SPIDR: variants seen among roughly 807,000 people sequenced by gnomAD.
The protein encoded by SPIDR is scaffold protein involved in DNA repair.
Under a neutral mutation model 104.6 loss-of-function variants are expected in SPIDR, and 93 were observed. That is an observed-to-expected ratio of 0.89 (90% CI 0.75 to 1.06). The LOEUF is 1.06. SPIDR is among the 50% of genes least tolerant of loss of function. The pLI, the probability that SPIDR is intolerant of heterozygous loss-of-function variation, is 0.00. For missense variants in SPIDR, 1,154 were observed against 1,111.2 expected (o/e 1.04, Z -0.55); for synonymous variants, 431 against 416.9 (o/e 1.03, Z -0.41).
rs889722644 is a variant in SPIDR, at chr8:47,547,242, C to T, written c.1098-48569C>T. 8.7e-5 allele frequency: 54 copies of T among 623,972 alleles called. No individual in the cohort carries two copies. The Admixed American group carries it at 1.0e-3, about 12-fold the overall frequency. 38.7% of individuals were successfully genotyped at this position (623,972 alleles called of 1,614,324 possible). A position where few individuals can be genotyped will look rare whatever the true frequency, so the allele number is the denominator to read the frequency against. On this transcript the variant is annotated intron_variant, in intron 8 of 19. Transcript: ENST00000297423. ...CTTTGCACAACTTGTACTTGGGCTC[C>T]TCAGGTGTAACACGATGTACAGCAA...
Position 47,400,898 on chromosome 8 carries a change from T to C in SPIDR, c.776+4272T>C, listed in dbSNP as rs368606396. Among the ~76,000 whole-genome samples the C allele has an allele frequency of 3.8e-3, 575 of 152,174 alleles. 3 individuals are homozygous for C. Among genetic ancestry groups the C allele is most frequent in the South Asian group, 0.022 (107 of 4,812 alleles). ...AAGTTACAGGGAGAATGGAACCATG[T>C]TGGAAAACACTCTTCAGGATATTAT... On this transcript the variant is annotated intron_variant, in intron 6 of 19. Coordinates refer to ENST00000297423, the MANE Select transcript of SPIDR (RefSeq NM_001080394.4).
At chr8:47,340,210 A>C (rs1774892225) in intron 5 of SPIDR, among the ~76,000 whole-genome samples, 1 of 152,146 alleles carries the variant, frequency 6.6e-6, no homozygotes, top group Non-Finnish European at 1.5e-5. Context: ...TGTGTGCTTT[A>C]GGGGCATTTT....
intron 8 of SPIDR, among the ~76,000 whole-genome samples, chr8:47,490,619 G>T (rs1436587880): frequency 6.6e-6 from 1 of 152,148 alleles, no homozygotes; most frequent in Non-Finnish European, 1.5e-5. Flanking sequence ...ATGATAGACT[G>T]GATTAAGAAA....
At chr8:47,308,311 C>A (rs1281062520) in intron 5 of SPIDR, among the ~76,000 whole-genome samples, 1 of 152,034 alleles carries the variant, frequency 6.6e-6, no homozygotes, top group Non-Finnish European at 1.5e-5. Context: ...GATCTGCCCA[C>A]CTCAGCCTCC....
chr8:47,286,714 A>G (rs2038920159), intron 3 of SPIDR, among the ~76,000 whole-genome samples: 1 of 152,224 alleles, frequency 6.6e-6, no homozygotes, highest in Non-Finnish European at 1.5e-5. Context: ...CTAGGGGGAA[A>G]AAGATAACTA....
At chr8:47,470,585 G>A (rs973898870) in intron 8 of SPIDR, among the ~76,000 whole-genome samples, 7 of 152,234 alleles carry the variant, frequency 4.6e-5, no homozygotes, top group East Asian at 1.9e-4. Context: ...TGACCATGAA[G>A]TGAGTTTTGA....
At chr8:47,578,774 T>C (rs2059407501) in intron 8 of SPIDR, among the ~76,000 whole-genome samples, 1 of 152,228 alleles carries the variant, frequency 6.6e-6, no homozygotes. Context: ...GTGTTGTATT[T>C]ATTCTGATAA....
intron 5 of SPIDR, among the ~76,000 whole-genome samples, chr8:47,387,813 G>C (rs527685524): frequency 6.6e-6 from 1 of 152,158 alleles, no homozygotes; most frequent in Admixed American, 6.5e-5. Context: ...TCTTCTCAAC[G>C]TGTCTTCCAA....
At chr8:47,346,968 A>G (rs1468323641) in intron 5 of SPIDR, among the ~76,000 whole-genome samples, 1 of 151,612 alleles carries the variant, frequency 6.6e-6, no homozygotes, top group Non-Finnish European at 1.5e-5. Context: ...TTCTGCTCTG[A>G]TCTTAGTTAT....
intron 5 of SPIDR, among the ~76,000 whole-genome samples, chr8:47,306,159 T>A (rs1036192803): frequency 3.2e-4 from 48 of 152,364 alleles, no homozygotes; most frequent in African/African-American, 1.1e-3. Context: ...TTTTATTTTT[T>A]GAGATGGAGT....
At chr8:47,499,790 G>GC (rs1227247603) in intron 8 of SPIDR, among the ~76,000 whole-genome samples, 1 of 149,560 alleles carries the variant, frequency 6.7e-6, no homozygotes, top group Non-Finnish European at 1.5e-5. Flanking sequence ...CCTCCACCCT[G>GC]CCCCCACCCC....
chr8:47,659,732 C>T (rs2073749667), intron 10 of SPIDR: 3 of 985,128 alleles, frequency 3.0e-6, no homozygotes, highest in Non-Finnish European at 3.6e-6. Context: ...TTTTTTCTCT[C>T]TCTCTTCTTA....
intron 11 of SPIDR, among the ~76,000 whole-genome samples, chr8:47,674,342 T>C (rs892435087): frequency 3.3e-5 from 5 of 152,210 alleles, no homozygotes; most frequent in Non-Finnish European, 7.3e-5. Context: ...AGTTGTCATG[T>C]CTTTGCACTT....
chr8:47,708,316 C>CA, intron 14 of SPIDR, among the ~76,000 whole-genome samples: 1 of 152,174 alleles, frequency 6.6e-6, no homozygotes. Context: ...AACAAACAAA[C>CA]AAAAAACTTT....
At chr8:47,289,173 G>A (rs2039443176) in intron 3 of SPIDR, among the ~76,000 whole-genome samples, 1 of 152,064 alleles carries the variant, frequency 6.6e-6, no homozygotes, top group Non-Finnish European at 1.5e-5. Flanking sequence ...ACTGTGCCCA[G>A]CTAATTTTTT....
intron 5 of SPIDR, among the ~76,000 whole-genome samples, chr8:47,362,831 T>A (rs868932059): frequency 3.9e-5 from 6 of 152,144 alleles, no homozygotes; most frequent in Admixed American, 6.5e-5. Context: ...TTTTGTATTT[T>A]TAGTAGAAAC....
intron 5 of SPIDR, among the ~76,000 whole-genome samples, chr8:47,338,722 GTGTCCAT>G (rs2050199249): frequency 6.6e-6 from 1 of 152,044 alleles, no homozygotes; most frequent in South Asian, 2.1e-4. Context: ...AATCATTCTA[GTGTCCAT>G]TGGCCCATCA....
chr8:47,709,686 G>A (rs1319136389), intron 14 of SPIDR, among the ~76,000 whole-genome samples: 2 of 152,162 alleles, frequency 1.3e-5, no homozygotes, highest in Non-Finnish European at 2.9e-5. Context: ...TACTGACTTT[G>A]TTCATAACCC....
At chr8:47,388,336 T>G (rs978009860) in intron 5 of SPIDR, 2 of 154,178 alleles carry the variant, frequency 1.3e-5, no homozygotes, top group African/African-American at 4.8e-5. Flanking sequence ...TTTCTCTATT[T>G]GGAGATATTT....
Sources: allele counts gnomAD v4.1 joint callset (sites outside exome capture counted in the v4.1 genomes callset), GRCh38; gene constraint gnomAD v4.1.1; transcripts MANE v1.5; gene names NCBI Gene and HGNC (gene_info 2026-07-23, HGNC 2026-07-21).